FUS: variants seen among roughly 807,000 people sequenced by gnomAD.
FUS encodes FUS RNA binding protein.
Under a neutral mutation model 82.7 loss-of-function variants are expected in FUS, and 5 were observed. That is an observed-to-expected ratio of 0.06 (90% CI 0.03 to 0.13). FUS has a LOEUF of 0.13. Ranked by LOEUF, FUS falls within the 10% of genes least tolerant of loss-of-function variation. FUS has a pLI of 1.00. For synonymous variants in FUS, 281 were observed against 247.4 expected (o/e 1.14, Z -1.27); for missense variants, 512 against 707.8 (o/e 0.72, Z 3.14).
downstream of FUS, chr16:31,192,991 T>C: frequency 2.1e-6 from 1 of 485,790 alleles, no homozygotes; most frequent in Non-Finnish European, 4.1e-6. Context: ...GATGGAGTTT[T>C]GCTCTTGTTG....
At chr16:31,189,055 C>A in intron 8 of FUS, 68 bp from the exon 9 acceptor site, 1 of 1,191,150 alleles carries the variant, frequency 8.4e-7, no homozygotes, top group Non-Finnish European at 1.3e-6. Flanking sequence ...ATACTAGGTG[C>A]TTTAGGTTTT....
chr16:31,190,125 A>G lies in FUS; in HGVS notation c.1152A>G (p.Gly384=). 6.2e-7 allele frequency: 1 copy of G among 1,614,104 alleles called. No homozygotes were observed. Among genetic ancestry groups the G allele is most frequent in the Non-Finnish European group, 8.5e-7 (1 of 1,180,014 alleles). Residue 384 remains glycine, a synonymous_variant, in exon 11 of 15, where the codon GGA becomes GGG. Transcript: ENST00000254108. ...ATCGGGGTGGTGGCAATGGTCGTGG[A>G]GGCCGAGGGCGAGGAGGTGAGGAGC... The part of the protein sequence containing the change: ...DFNRGGGNGR[G]GRGRGGPMGR...
chr16:31,180,426 G>A (rs904482157), intron 1 of FUS, among the ~76,000 whole-genome samples, 199 bp downstream of exon 1: 5 of 152,162 alleles, frequency 3.3e-5, no homozygotes, highest in African/African-American at 1.2e-4. Flanking sequence ...CGCGCGCGGG[G>A]CGGGAAGTCT....
chr16:31,185,527 C>T (rs965312643), intron 6 of FUS: 7 of 569,906 alleles, frequency 1.2e-5, no homozygotes, highest in African/African-American at 9.1e-5. Context: ...AACCGATGAT[C>T]CCACTCCTGG....
chr16:31,184,901 TTG>T, intron 5 of FUS, 36 bp from the exon 6 acceptor site: 6 of 1,603,772 alleles, frequency 3.7e-6, no homozygotes, highest in Non-Finnish European at 5.1e-6. Flanking sequence ...TACAATCTTT[TTG>T]TTTTTTTTTT....
chr16:31,182,373 A>G (rs1174696071), intron 1 of FUS, 25 bp from the exon 2 acceptor site: 2 of 1,613,610 alleles, frequency 1.2e-6, no homozygotes, highest in African/African-American at 2.7e-5. Flanking sequence ...GCTGAAGATA[A>G]TGTGATTGTA....
At chr16:31,187,505 A>T in intron 7 of FUS, 1 of 228,898 alleles carries the variant, frequency 4.4e-6, no homozygotes, top group African/African-American at 2.2e-5. Flanking sequence ...CTTAAACAGC[A>T]CAAACTGAAT....
chr16:31,181,496 G>C (rs1317946128), intron 1 of FUS, among the ~76,000 whole-genome samples: 1 of 152,210 alleles, frequency 6.6e-6, no homozygotes, highest in Non-Finnish European at 1.5e-5. Flanking sequence ...AAGGCGAGCA[G>C]TTGCATGATC....
chr16:31,187,109 C>T, intron 7 of FUS: 2 of 536,246 alleles, frequency 3.7e-6, no homozygotes, highest in South Asian at 2.2e-5. Flanking sequence ...GCCGTTGCCA[C>T]ACCTGGCACT....
At chr16:31,194,264 A>C (rs955081797), downstream of FUS, 6 of 529,022 alleles carry the variant, frequency 1.1e-5, no homozygotes, top group Non-Finnish European at 2.2e-5. Flanking sequence ...ACCTTTAGGC[A>C]TGTCTTCCTT....
At chr16:31,189,310 G>A in intron 9 of FUS, 84 bp downstream of exon 9, 1 of 1,037,818 alleles carries the variant, frequency 9.6e-7, no homozygotes, top group Non-Finnish European at 1.5e-6. Context: ...GTCTTTAATG[G>A]TTGCCAGCAG....
intron 1 of FUS, among the ~76,000 whole-genome samples, chr16:31,180,965 T>C (rs889479981): frequency 6.6e-6 from 1 of 151,802 alleles, no homozygotes; most frequent in South Asian, 2.1e-4. Flanking sequence ...CAGGCTGGAG[T>C]GCAGTGGTGC....
At chr16:31,180,902 C>T (rs927998291) in intron 1 of FUS, among the ~76,000 whole-genome samples, 1 of 150,228 alleles carries the variant, frequency 6.7e-6, no homozygotes, top group Non-Finnish European at 1.5e-5. Context: ...AGAGTTTTTC[C>T]CGCCTAAATT....
At chr16:31,194,079 G>A, downstream of FUS, 1 of 534,298 alleles carries the variant, frequency 1.9e-6, no homozygotes, top group Non-Finnish European at 3.6e-6. Flanking sequence ...AGGTCTGTTT[G>A]TCCCTTCCTT....
At chr16:31,193,877 C>G (rs1327523069), downstream of FUS, 2 of 527,558 alleles carry the variant, frequency 3.8e-6, no homozygotes, top group East Asian at 4.0e-5. Flanking sequence ...CTTGAACTGG[C>G]CTCAAGTGAC....
At chr16:31,194,658 A>G, downstream of FUS, 1 of 487,966 alleles carries the variant, frequency 2.0e-6, no homozygotes, top group Non-Finnish European at 4.1e-6. Flanking sequence ...ACAATGTCCT[A>G]TTTCTGTACA....
intron 1 of FUS, 150 bp from the exon 2 acceptor site, chr16:31,182,248 C>T: frequency 1.1e-6 from 1 of 925,768 alleles, no homozygotes; most frequent in Non-Finnish European, 1.8e-6. Context: ...ACCTCGGCCT[C>T]CCAAACTGCT....
chr16:31,185,507 C>G (rs745786725), intron 6 of FUS: 1 of 591,904 alleles, frequency 1.7e-6, no homozygotes, highest in Non-Finnish European at 3.2e-6. Flanking sequence ...ACTTCTTTCT[C>G]TGCAAGGGAA....
chr16:31,182,705 G>T, intron 3 of FUS, 41 bp downstream of exon 3: 1 of 1,613,126 alleles, frequency 6.2e-7, no homozygotes, highest in South Asian at 1.1e-5. Flanking sequence ...TACTCTTTCT[G>T]AATATTGCTT....
Sources: allele counts gnomAD v4.1 joint callset (sites outside exome capture counted in the v4.1 genomes callset), GRCh38; gene constraint gnomAD v4.1.1; transcripts MANE v1.5; gene names NCBI Gene and HGNC (gene_info 2026-07-23, HGNC 2026-07-21).